GDPD5: variants seen among roughly 807,000 people sequenced by gnomAD.
GDPD5 encodes glycerophosphodiester phosphodiesterase domain containing 5, also known as glycerophosphodiester phosphodiesterase 2.
In GDPD5, 48 loss-of-function variants were observed where a neutral mutation model predicts 75.1. That is an observed-to-expected ratio of 0.64 (90% CI 0.51 to 0.81). GDPD5 has a LOEUF of 0.81. GDPD5 is among the 40% of genes least tolerant of loss of function. The probability of loss-of-function intolerance (pLI) is 0.00; values close to 1 mark genes in which losing one functional copy is unlikely to be tolerated. For missense variants in GDPD5, 706 were observed against 822.6 expected (o/e 0.86, Z 1.73); for synonymous variants, 336 against 339.0 (o/e 0.99, Z 0.10).
chr11:75,478,984 C>T (rs895306716), intron 2 of GDPD5, among the ~76,000 whole-genome samples: 3 of 152,236 alleles, frequency 2.0e-5, no homozygotes, highest in Non-Finnish European at 2.9e-5. Context: ...AGCTCCCTCA[C>T]CGGGTGGGGC....
chr11:75,488,536 C>T (rs1950054762), intron 2 of GDPD5, among the ~76,000 whole-genome samples: 1 of 152,132 alleles, frequency 6.6e-6, no homozygotes, highest in Non-Finnish European at 1.5e-5. Flanking sequence ...TCCTCTCCTA[C>T]CCCTCCTTGT....
intron 4 of GDPD5, 131 bp downstream of exon 4, chr11:75,462,654 GC>G: frequency 1.5e-6 from 1 of 685,420 alleles, no homozygotes; most frequent in Non-Finnish European, 2.6e-6. Flanking sequence ...CCTGCCCAGG[GC>G]CACACAGAGA....
chr11:75,444,045 A>G (rs957015673), intron 10 of GDPD5, among the ~76,000 whole-genome samples: 4 of 152,182 alleles, frequency 2.6e-5, no homozygotes, highest in Admixed American at 2.6e-4. Flanking sequence ...CTACTTATAT[A>G]TGTACATGGA....
chr11:75,478,387 C>T (rs531473944), intron 2 of GDPD5, among the ~76,000 whole-genome samples: 1 of 152,292 alleles, frequency 6.6e-6, no homozygotes, highest in South Asian at 2.1e-4. Context: ...ATCAGGTTAT[C>T]CACCTGCCTC....
chr11:75,451,241 C>A (rs1347034772), intron 6 of GDPD5: 1 of 152,204 alleles, frequency 6.6e-6, no homozygotes, highest in Non-Finnish European at 1.5e-5. Context: ...AGCCTGGAAA[C>A]AAATGTTCCC....
At chr11:75,520,036 C>T (rs998812368) in intron 1 of GDPD5, among the ~76,000 whole-genome samples, 1 of 152,206 alleles carries the variant, frequency 6.6e-6, no homozygotes, top group Non-Finnish European at 1.5e-5. Context: ...CTGCTCCCTC[C>T]CCTGAACCTA....
intron 1 of GDPD5, among the ~76,000 whole-genome samples, chr11:75,499,222 C>T (rs1950262377): frequency 6.6e-6 from 1 of 151,978 alleles, no homozygotes; most frequent in Non-Finnish European, 1.5e-5. Flanking sequence ...GCAGAACATG[C>T]ACTTGAATTG....
At chr11:75,518,553 A>C (rs944448736) in intron 1 of GDPD5, among the ~76,000 whole-genome samples, 11 of 152,228 alleles carry the variant, frequency 7.2e-5, no homozygotes, top group African/African-American at 2.2e-4. Context: ...AATGTGAAAC[A>C]AAGTTTGAAA....
Position 75,510,740 on chromosome 11 carries a change from G to A in GDPD5, c.-145+14470C>T, listed in dbSNP as rs1024972760. Among the ~76,000 whole-genome samples, 6 of 144,024 alleles carry A rather than the reference G, an allele frequency of 4.2e-5. No homozygotes were observed. The South Asian group carries it at 6.5e-4, about 16-fold the overall frequency. 94.5% of individuals were successfully genotyped at this position (144,024 alleles called of 152,430 possible). Reference sequence around the variant, plus strand: ...ACTGATGGACCCCAGGAGGAAGCTCGCTCCCTTCTCCCCCTCCCCCCTCCT... The same window carrying A: ...ACTGATGGACCCCAGGAGGAAGCTCACTCCCTTCTCCCCCTCCCCCCTCCT... On this transcript the variant is annotated intron_variant, in intron 1 of 16. Coordinates refer to ENST00000336898, the MANE Select transcript of GDPD5 (RefSeq NM_030792.8).
At chr11:75,505,132 A>C (rs1009752726) in intron 1 of GDPD5, among the ~76,000 whole-genome samples, 15 of 151,916 alleles carry the variant, frequency 9.9e-5, no homozygotes, top group Admixed American at 2.0e-4. Context: ...AGAAAAAAAA[A>C]AACAACAAAA....
chr11:75,523,790 A>C (rs1941558548), intron 1 of GDPD5, among the ~76,000 whole-genome samples: 1 of 152,246 alleles, frequency 6.6e-6, no homozygotes, highest in Non-Finnish European at 1.5e-5. Context: ...CAAGCCCCTC[A>C]GTCACCTTGT....
chr11:75,489,963 C>T (rs1950080268), intron 2 of GDPD5, among the ~76,000 whole-genome samples: 2 of 152,120 alleles, frequency 1.3e-5, no homozygotes, highest in African/African-American at 4.8e-5. Flanking sequence ...TTTCTAAATG[C>T]CTTTATACCT....
chr11:75,493,127 T>A (rs1487920843), intron 1 of GDPD5, among the ~76,000 whole-genome samples: 2 of 152,118 alleles, frequency 1.3e-5, no homozygotes, highest in East Asian at 3.9e-4. Flanking sequence ...GTGTAAGATC[T>A]ATCATTTGTC....
intron 1 of GDPD5, among the ~76,000 whole-genome samples, chr11:75,521,628 G>A (rs1592174826): frequency 6.6e-6 from 1 of 152,218 alleles, no homozygotes; most frequent in East Asian, 1.9e-4. Flanking sequence ...GTTATGGATA[G>A]TAGGTATTAT....
Position 75,442,521 on chromosome 11 carries a change from G to A in GDPD5, c.1009C>T (p.Gln337Ter). The A allele has an allele frequency of 1.2e-6, 2 of 1,614,178 alleles. No homozygotes were observed. The highest frequency in any genetic ancestry group is 1.7e-6 in the Non-Finnish European group (2 of 1,180,030). ...AGCTCTGCCAGGCTGCAGATGGACT[G>A]GTTCTGGGCCTCTCTGTGGTCGGAG... ...SPSDHREAQNQSICSLAELLE... is the reference protein window; with the variant it reads ...SPSDHREAQN Residue 337 changes from glutamine (Q) to a stop codon, truncating the protein, a stop_gained, in exon 12 of 17, where the codon CAG (glutamine) becomes TAG (stop). Transcript: ENST00000336898. LOFTEE classifies it high-confidence loss of function.
Position 75,449,613 on chromosome 11 carries a change from G to A in GDPD5, c.475-3C>T. 6.4e-7 allele frequency: 1 copy of A among 1,571,764 alleles called. No individual in the cohort carries two copies. The highest frequency in any genetic ancestry group is 1.2e-5 in the South Asian group (1 of 85,546). On this transcript the variant is annotated splice_polypyrimidine_tract_variant and splice_region_variant and intron_variant, in intron 7 of 16. Transcript: ENST00000336898. ...ACATGCAGGAATGGCGCTGTGCCCT[G>A]TTTGCAGGGAGAGGGAAGGGAGACC...
At chr11:75,514,386 C>G (rs1950595157) in intron 1 of GDPD5, among the ~76,000 whole-genome samples, 1 of 152,254 alleles carries the variant, frequency 6.6e-6, no homozygotes. Flanking sequence ...CTTGCAGGCC[C>G]ACGGTGGCCC....
intron 16 of GDPD5, among the ~76,000 whole-genome samples, 193 bp downstream of exon 16, chr11:75,436,743 G>A (rs1055745351): frequency 1.3e-4 from 20 of 152,314 alleles, no homozygotes; most frequent in African/African-American, 4.8e-4. Flanking sequence ...GTGTGGGGGT[G>A]TGTGTTTTCA....
At chr11:75,486,366 G>A (rs1367360359) in intron 2 of GDPD5, among the ~76,000 whole-genome samples, 1 of 152,202 alleles carries the variant, frequency 6.6e-6, no homozygotes, top group African/African-American at 2.4e-5. Context: ...TTAGGCACCT[G>A]GTCGTCCTGA....
Sources: allele counts gnomAD v4.1 joint callset (sites outside exome capture counted in the v4.1 genomes callset), GRCh38; gene constraint gnomAD v4.1.1; transcripts MANE v1.5; gene names NCBI Gene and HGNC (gene_info 2026-07-23, HGNC 2026-07-21).